FKTN: variants seen among roughly 807,000 people sequenced by gnomAD.
FKTN encodes ribitol-5-phosphate transferase FKTN.
FKTN carries 47 observed loss-of-function variants against 58.6 expected under a neutral mutation model. The ratio of observed to expected loss-of-function variants is 0.80; its 90% CI spans 0.63 to 1.02. FKTN has a LOEUF of 1.02. FKTN is among the 50% of genes least tolerant of loss of function. The pLI, the probability that FKTN is intolerant of heterozygous loss-of-function variation, is 0.00. For synonymous variants in FKTN, 178 were observed against 191.9 expected, an observed-to-expected ratio of 0.93 and a Z score of 0.60; for missense variants, 516 against 537.3, an observed-to-expected ratio of 0.96 and a Z score of 0.39.
chr9:105,637,363 C>T lies in FKTN; in HGVS notation c.*2099C>T. 5.1e-6 allele frequency: 5 copies of T among 985,390 alleles called. No individual in the cohort carries two copies. Among genetic ancestry groups the T allele is most frequent in the Non-Finnish European group, 6.0e-6 (5 of 829,948 alleles). 61.0% of individuals were successfully genotyped at this position (985,390 alleles called of 1,614,324 possible). On this transcript the variant is annotated 3_prime_UTR_variant, in exon 11 of 11. Coordinates refer to ENST00000357998, the MANE Select transcript of FKTN (RefSeq NM_001079802.2). The stretch of plus-strand genomic sequence containing the variant: ...CATCTTGGCCCAATTGACACAGGTT[C>T]TATATTCTTCCCTACATAGACCACT...
intron 3 of FKTN, among the ~76,000 whole-genome samples, chr9:105,579,462 G>A (rs1439011490): frequency 6.6e-6 from 1 of 151,934 alleles, no homozygotes; most frequent in African/African-American, 2.4e-5. Flanking sequence ...CAGTTTCCAT[G>A]TAGTTGAGCG....
At chr9:105,608,091 ATTG>A in intron 7 of FKTN, 140 bp downstream of exon 7, 1 of 708,142 alleles carries the variant, frequency 1.4e-6, no homozygotes, top group Non-Finnish European at 2.4e-6. Context: ...TTTCTTCTAG[ATTG>A]TTTTCTTTCA....
At chr9:105,579,517 T>G (rs532497024) in intron 3 of FKTN, among the ~76,000 whole-genome samples, 19 of 151,906 alleles carry the variant, frequency 1.3e-4, no homozygotes, top group South Asian at 6.2e-4. Flanking sequence ...TTGATTGCAC[T>G]GTGGTCTGAG....
chr9:105,574,713 A>G (rs1006401919), intron 2 of FKTN, among the ~76,000 whole-genome samples: 1 of 152,310 alleles, frequency 6.6e-6, no homozygotes, highest in African/African-American at 2.4e-5. Flanking sequence ...GTCAGTTTTT[A>G]TAAATATCCT....
chr9:105,570,406 C>T (rs932072655), intron 1 of FKTN, among the ~76,000 whole-genome samples: 18 of 152,106 alleles, frequency 1.2e-4, no homozygotes, highest in Admixed American at 4.6e-4. Context: ...CATAGTAACC[C>T]GTGCTTATTC....
intron 5 of FKTN, 30 bp downstream of exon 5, chr9:105,601,378 G>T: frequency 6.9e-7 from 1 of 1,443,496 alleles, no homozygotes; most frequent in East Asian, 2.3e-5. Context: ...ATAATGGAAT[G>T]TGTCTCTTTT....
intron 10 of FKTN, among the ~76,000 whole-genome samples, chr9:105,622,110 T>C (rs1832069144): frequency 1.3e-5 from 2 of 152,086 alleles, no homozygotes; most frequent in South Asian, 4.1e-4. Context: ...TTGCTCAATA[T>C]TTGCCACTAA....
chr9:105,620,778 G>GTAC (rs779765090), intron 10 of FKTN, among the ~76,000 whole-genome samples: 1 of 61,172 alleles, frequency 1.6e-5, no homozygotes, highest in African/African-American at 4.1e-5. Flanking sequence ...TACTACTATA[G>GTAC]TAGTAGTAGT....
chr9:105,599,500 A>G (rs1249100063), intron 4 of FKTN, among the ~76,000 whole-genome samples: 1 of 119,008 alleles, frequency 8.4e-6, no homozygotes, highest in Non-Finnish European at 1.7e-5. Context: ...TTTTGAGATG[A>G]AGTCTCTCTG....
At chr9:105,582,028 C>T (rs1174903517) in intron 3 of FKTN, among the ~76,000 whole-genome samples, 4 of 152,102 alleles carry the variant, frequency 2.6e-5, no homozygotes, top group Admixed American at 2.0e-4. Flanking sequence ...CTTCGGCTCG[C>T]GCACGGTGCG....
chr9:105,596,505 G>A, intron 3 of FKTN, 93 bp from the exon 4 acceptor site: 1 of 800,106 alleles, frequency 1.2e-6, no homozygotes, highest in Non-Finnish European at 2.2e-6. Context: ...ATGATTATAA[G>A]CTAATTATAT....
chr9:105,595,542 G>A (rs549228383), intron 3 of FKTN, among the ~76,000 whole-genome samples: 1 of 151,884 alleles, frequency 6.6e-6, no homozygotes, highest in Admixed American at 6.6e-5. Context: ...GTATTAAAAT[G>A]TTATTGGCTA....
chr9:105,586,676 T>C (rs371359200), intron 3 of FKTN, among the ~76,000 whole-genome samples: 6 of 152,194 alleles, frequency 3.9e-5, no homozygotes, highest in African/African-American at 1.4e-4. Context: ...GCAAGTCACT[T>C]TGAGCACCAG....
At chr9:105,590,901 A>G (rs1588006099) in intron 3 of FKTN, among the ~76,000 whole-genome samples, 2 of 151,952 alleles carry the variant, frequency 1.3e-5, no homozygotes, top group Non-Finnish European at 2.9e-5. Context: ...GAAACTTACA[A>G]TCGTGGCAGC....
chr9:105,580,050 C>T (rs1407020918), intron 3 of FKTN, among the ~76,000 whole-genome samples: 1 of 151,836 alleles, frequency 6.6e-6, no homozygotes, highest in African/African-American at 2.4e-5. Context: ...TATTTTGAGC[C>T]TATGTGTGTC....
rs1834309702 is a variant in FKTN at position 105,639,927 on chromosome 9, T to A, written c.*4663T>A. 1 of 1,455,754 alleles carries A rather than the reference T, an allele frequency of 6.9e-7. No homozygotes were observed. The highest frequency in any genetic ancestry group is 1.4e-5 in the African/African-American group (1 of 70,434). The allele number at this position is 1,455,754 out of a possible 1,614,324, so 90.2% of individuals were successfully genotyped here. A position where few individuals can be genotyped will look rare whatever the true frequency, so the allele number is the denominator to read the frequency against. On this transcript the variant is annotated 3_prime_UTR_variant, in exon 11 of 11. Coordinates refer to ENST00000357998, the MANE Select transcript of FKTN (RefSeq NM_001079802.2). Reference sequence around the variant, plus strand: ...CCTTTCCTAGATGTAAATCTTTACCTCCTTGTTAGTGAAATTAGATATAAG... The same window carrying A: ...CCTTTCCTAGATGTAAATCTTTACCACCTTGTTAGTGAAATTAGATATAAG...
Position 105,582,227 on chromosome 9 carries a change from C to T in FKTN, c.105+7090C>T, listed in dbSNP as rs539925152. 1.2e-4 allele frequency among the ~76,000 whole-genome samples: 19 copies of T among 152,108 alleles called. No homozygotes were observed. In the East Asian group the frequency reaches 1.8e-3, roughly 14 times the overall value. ...CTTTTTTTAAGAGAGGATCTCGCTT[C>T]GTCACCCAGGCTGAAGTACAGTGGC... On this transcript the variant is annotated intron_variant, in intron 3 of 10. Transcript: ENST00000357998.
chr9:105,590,517 T>C (rs1238870347), intron 3 of FKTN, among the ~76,000 whole-genome samples: 1 of 151,976 alleles, frequency 6.6e-6, no homozygotes, highest in Admixed American at 6.5e-5. Context: ...GACAAGAGAG[T>C]TGATGGTAGA....
chr9:105,565,488 G>A (rs1373338761), intron 1 of FKTN, among the ~76,000 whole-genome samples: 3 of 152,104 alleles, frequency 2.0e-5, no homozygotes, highest in Non-Finnish European at 4.4e-5. Context: ...AAAAAGGTAG[G>A]GGTTGCAATC....
Sources: gnomAD v4.1 joint callset for allele counts (sites outside exome capture counted in the v4.1 genomes callset) on GRCh38, gnomAD v4.1.1 for gene constraint, MANE v1.5 for transcripts, NCBI Gene and HGNC (gene_info 2026-07-23, HGNC 2026-07-21) for gene names.